TNNI3K: variants seen among roughly 807,000 people sequenced by gnomAD.
TNNI3K encodes the protein serine/threonine-protein kinase TNNI3K.
In TNNI3K, 140 loss-of-function variants were observed where a neutral mutation model predicts 114.5. The ratio of observed to expected loss-of-function variants is 1.22; its 90% CI spans 1.07 to 1.41. The LOEUF is 1.41. Ranked by LOEUF, TNNI3K falls within the 40% of genes most tolerant of loss-of-function variation. The pLI, the probability that TNNI3K is intolerant of heterozygous loss-of-function variation, is 0.00. For synonymous variants in TNNI3K, 347 were observed against 347.5 expected, an observed-to-expected ratio of 1.00 and a Z score of 0.02; for missense variants, 1,125 against 1,007.6, an observed-to-expected ratio of 1.12 and a Z score of -1.58.
At chr1:74,538,215 T>C (rs1646683128) in intron 23 of TNNI3K, among the ~76,000 whole-genome samples, 1 of 151,936 alleles carries the variant, frequency 6.6e-6, no homozygotes, top group Non-Finnish European at 1.5e-5. Context: ...GGTAAAAAAA[T>C]AGTTGAGGAA....
At chr1:74,518,098 A>G (rs17095502) in intron 23 of TNNI3K, among the ~76,000 whole-genome samples, 9,071 of 152,242 alleles carry the variant, frequency 0.06, 512 homozygotes, top group African/African-American at 0.15. Flanking sequence ...TAGAGGACAG[A>G]TGGTGGACCA....
At chr1:74,251,720 C>G (rs1217465207) in intron 4 of TNNI3K, among the ~76,000 whole-genome samples, 63 of 152,194 alleles carry the variant, frequency 4.1e-4, no homozygotes, top group Non-Finnish European at 4.1e-4. Flanking sequence ...GAACCCCCTG[C>G]ACTATCTCCC....
At chr1:74,497,660 C>T (rs1669398591) in intron 23 of TNNI3K, among the ~76,000 whole-genome samples, 1 of 151,974 alleles carries the variant, frequency 6.6e-6, no homozygotes, top group South Asian at 2.1e-4. Context: ...ATTTATTCAG[C>T]CTTGACCTCT....
At chr1:74,451,739 CTTT>C (rs1667030953) in intron 20 of TNNI3K, among the ~76,000 whole-genome samples, 2 of 39,106 alleles carry the variant, frequency 5.1e-5, no homozygotes, top group African/African-American at 7.6e-5. Flanking sequence ...TTCTTTCTTT[CTTT>C]CTTTCTTTTC....
chr1:74,415,195 T>C (rs1570592560), intron 17 of TNNI3K, among the ~76,000 whole-genome samples: 1 of 152,150 alleles, frequency 6.6e-6, no homozygotes, highest in African/African-American at 2.4e-5. Flanking sequence ...CATATGGCTG[T>C]CCTTCTCATT....
intron 6 of TNNI3K, among the ~76,000 whole-genome samples, chr1:74,335,131 A>T (rs376871553): frequency 6.6e-6 from 1 of 152,226 alleles, no homozygotes; most frequent in Non-Finnish European, 1.5e-5. Flanking sequence ...TCATTGTGCT[A>T]TGCACTTTAA....
intron 23 of TNNI3K, among the ~76,000 whole-genome samples, chr1:74,526,097 T>C (rs45615931): frequency 4.6e-5 from 7 of 152,324 alleles, no homozygotes; most frequent in Non-Finnish European, 1.0e-4. Context: ...CCTTAGGGTA[T>C]TTCAAATGGT....
chr1:74,271,454 A>G, intron 4 of TNNI3K, 144 bp from the exon 5 acceptor site: 1 of 658,386 alleles, frequency 1.5e-6, no homozygotes, highest in East Asian at 2.8e-5. Context: ...CTGGTATCTA[A>G]TGTGCTCTTA....
At chr1:74,290,109 G>A (rs45626232) in intron 5 of TNNI3K, among the ~76,000 whole-genome samples, 205 of 151,652 alleles carry the variant, frequency 1.4e-3, no homozygotes, top group African/African-American at 4.8e-3. Context: ...AATTAATCAA[G>A]CACACTAAGC....
At chr1:74,457,084 C>T (rs567692399) in intron 20 of TNNI3K, among the ~76,000 whole-genome samples, 6 of 152,198 alleles carry the variant, frequency 3.9e-5, no homozygotes, top group East Asian at 3.9e-4. Flanking sequence ...ATGATGTGGA[C>T]TGTTCTTTGA....
intron 17 of TNNI3K, among the ~76,000 whole-genome samples, chr1:74,420,882 T>C (rs1183529971): frequency 6.6e-6 from 1 of 152,080 alleles, no homozygotes; most frequent in African/African-American, 2.4e-5. Flanking sequence ...GTCAGGAATT[T>C]TAATTAGTTT....
chr1:74,455,374 G>A (rs926731371), intron 20 of TNNI3K, among the ~76,000 whole-genome samples: 1 of 152,124 alleles, frequency 6.6e-6, no homozygotes, highest in Non-Finnish European at 1.5e-5. Context: ...TAGTTCAGTA[G>A]GGATGAATCA....
chr1:74,471,600 C>T, intron 21 of TNNI3K: 1 of 400,676 alleles, frequency 2.5e-6, no homozygotes. Context: ...TTTTAACATC[C>T]AACTTAGTCA....
intron 5 of TNNI3K, among the ~76,000 whole-genome samples, chr1:74,309,380 A>AAAAAAAAAAAAAAAT (rs1658849454): frequency 6.8e-6 from 1 of 147,320 alleles, no homozygotes; most frequent in African/African-American, 2.5e-5. Flanking sequence ...AAAAAAAAAA[A>AAAAAAAAAAAAAAAT]AGAAGAGATA....
chr1:74,263,705 A>G (rs1393596604), intron 4 of TNNI3K, among the ~76,000 whole-genome samples: 1 of 152,036 alleles, frequency 6.6e-6, no homozygotes, highest in South Asian at 2.1e-4. Context: ...TCCAAAAAGT[A>G]TAAGATTGGG....
intron 17 of TNNI3K, among the ~76,000 whole-genome samples, chr1:74,406,024 T>C (rs919911666): frequency 6.6e-6 from 1 of 152,238 alleles, no homozygotes; most frequent in Non-Finnish European, 1.5e-5. Context: ...GCTAATTTAT[T>C]TGCTCTGGGT....
chr1:74,539,358 T>G (rs1396751742), intron 23 of TNNI3K, among the ~76,000 whole-genome samples: 1 of 152,146 alleles, frequency 6.6e-6, no homozygotes, highest in Non-Finnish European at 1.5e-5. Context: ...GGTGAAGTTC[T>G]GGGGGGAACT....
At chr1:74,506,271 A>C (rs566207649) in intron 23 of TNNI3K, among the ~76,000 whole-genome samples, 24 of 152,352 alleles carry the variant, frequency 1.6e-4, no homozygotes, top group African/African-American at 5.5e-4. Context: ...TGCCTGTCGT[A>C]GCACAGACTT....
At chr1:74,524,888 T>C (rs1179020632) in intron 23 of TNNI3K, among the ~76,000 whole-genome samples, 1 of 152,176 alleles carries the variant, frequency 6.6e-6, no homozygotes, top group Middle Eastern at 3.2e-3. Flanking sequence ...AGAGGTAACA[T>C]CATTAGGATT....
Sources: gnomAD v4.1 joint callset for allele counts (sites outside exome capture counted in the v4.1 genomes callset) on GRCh38, gnomAD v4.1.1 for gene constraint, MANE v1.5 for transcripts, NCBI Gene and HGNC (gene_info 2026-07-23, HGNC 2026-07-21) for gene names.